The following NFIB variants were observed in gnomAD, a reference collection of about 807,000 sequenced individuals.
NFIB encodes the protein nuclear factor I B.
A neutral mutation model predicts 61.5 loss-of-function variants in NFIB; 11 were observed. The observed-to-expected ratio is 0.18, with a 90% CI of 0.11 to 0.30. The LOEUF (loss-of-function observed/expected upper bound fraction) is 0.30. NFIB is among the 10% of genes least tolerant of loss of function. NFIB has a pLI of 1.00. For missense variants in NFIB, 471 were observed against 608.9 expected, an observed-to-expected ratio of 0.77 and a Z score of 2.38; for synonymous variants, 260 against 216.5, an observed-to-expected ratio of 1.20 and a Z score of -1.76.
rs763572336 is a variant in NFIB at position 14,179,704 on chromosome 9, A to G, written c.616+23T>C. The G allele has an allele frequency of 5.6e-6, 9 of 1,612,916 alleles. No individual in the cohort carries two copies. In the South Asian group the frequency reaches 9.9e-5, roughly 18 times the overall value. On this transcript the variant is annotated intron_variant, in intron 3 of 10. Transcript: ENST00000380953. ...TGTTCTCCAACAATGTCAGATTGCA[A>G]ATGTCCTGGAACACATATTTACCTG...
chr9:14,179,634 G>A, intron 3 of NFIB, 93 bp downstream of exon 3: 2 of 1,367,770 alleles, frequency 1.5e-6, no homozygotes, highest in South Asian at 1.3e-5. Context: ...GAACAAAATA[G>A]GCAGCTGACC....
chr9:14,522,887 T>C, the NFIB span, among the ~76,000 whole-genome samples: 3 of 152,320 alleles, frequency 2.0e-5, no homozygotes, highest in East Asian at 1.9e-4. Flanking sequence ...AACCAGAGGC[T>C]CTGCTCTAGA....
At chr9:14,155,250 T>C (rs775002093) in intron 4 of NFIB, among the ~76,000 whole-genome samples, 95 of 152,250 alleles carry the variant, frequency 6.2e-4, no homozygotes, top group Non-Finnish European at 1.1e-3. Context: ...GAGCTTAGCC[T>C]AGAAAAATCT....
chr9:14,223,698 G>T (rs1391101990), intron 2 of NFIB, among the ~76,000 whole-genome samples: 1 of 152,192 alleles, frequency 6.6e-6, no homozygotes, highest in Non-Finnish European at 1.5e-5. Context: ...TGACTGGTTA[G>T]AGGCCAATCT....
chr9:14,275,737 GTGGCAATTTTCAAA>G (rs2057954461), intron 2 of NFIB, among the ~76,000 whole-genome samples: 1 of 152,106 alleles, frequency 6.6e-6, no homozygotes, highest in Non-Finnish European at 1.5e-5. Flanking sequence ...CTACATTCCT[GTGGCAATTTTCAAA>G]TGGCACTAAA....
At chr9:14,124,859 C>G (rs1022906103) in intron 7 of NFIB, among the ~76,000 whole-genome samples, 5 of 151,928 alleles carry the variant, frequency 3.3e-5, no homozygotes, top group African/African-American at 1.2e-4. Context: ...AAACAAGTGT[C>G]AAAAAAAGTA....
the NFIB span, among the ~76,000 whole-genome samples, chr9:14,457,594 G>C: frequency 2.7e-5 from 4 of 147,924 alleles, no homozygotes; most frequent in African/African-American, 9.9e-5. Context: ...TTTTTGAAAA[G>C]ATCAACAAAA....
At chr9:14,234,332 G>T (rs753603916) in intron 2 of NFIB, among the ~76,000 whole-genome samples, 54 of 151,224 alleles carry the variant, frequency 3.6e-4, no homozygotes, top group Non-Finnish European at 5.7e-4. Context: ...AAGAAGGAAT[G>T]AGATTGATAA....
At position 14,287,570 on chromosome 9, in the gene NFIB, G is replaced by A. The variant is rs531535500; in HGVS notation, c.562+19419C>T. 1.1e-4 allele frequency among the ~76,000 whole-genome samples: 17 copies of A among 151,762 alleles called. 1 individual carries two copies. The Middle Eastern group carries it at 0.024, about 213-fold the overall frequency. ...CCCGAGTAGCTGGGATTACAGGTGCGCACCACCAGGCCCGGCTAATTTTTT... is the reference window on the plus strand; with the variant it reads ...CCCGAGTAGCTGGGATTACAGGTGCACACCACCAGGCCCGGCTAATTTTTT... On this transcript the variant is annotated intron_variant, in intron 2 of 10. Coordinates refer to ENST00000380953, the MANE Select transcript of NFIB (RefSeq NM_001190737.2).
chr9:14,256,310 T>C (rs1396604171), intron 2 of NFIB, among the ~76,000 whole-genome samples: 1 of 152,204 alleles, frequency 6.6e-6, no homozygotes, highest in Non-Finnish European at 1.5e-5. Context: ...ACAGGGAAAC[T>C]ATGTTCTAAG....
chr9:14,250,914 G>C (rs909445343), intron 2 of NFIB, among the ~76,000 whole-genome samples: 2 of 152,132 alleles, frequency 1.3e-5, no homozygotes, highest in Non-Finnish European at 2.9e-5. Context: ...AATACTCTGA[G>C]TTAATAAAAG....
At chr9:14,158,513 A>G (rs2043735079) in intron 3 of NFIB, among the ~76,000 whole-genome samples, 1 of 152,202 alleles carries the variant, frequency 6.6e-6, no homozygotes, top group African/African-American at 2.4e-5. Context: ...TCCTTTATTT[A>G]CAGAAGTGAC....
intron 2 of NFIB, among the ~76,000 whole-genome samples, chr9:14,217,399 G>C (rs990979477): frequency 6.6e-6 from 1 of 152,096 alleles, no homozygotes; most frequent in Non-Finnish European, 1.5e-5. Flanking sequence ...GGTGGCTCAC[G>C]TCTGTAATCC....
intron 2 of NFIB, among the ~76,000 whole-genome samples, chr9:14,215,316 T>C (rs1310015260): frequency 2.0e-5 from 3 of 150,606 alleles, no homozygotes; most frequent in Non-Finnish European, 4.4e-5. Flanking sequence ...CTGGTATACA[T>C]TTAATGGTAT....
At chr9:14,421,919 C>T in the NFIB span, among the ~76,000 whole-genome samples, 1 of 152,102 alleles carries the variant, frequency 6.6e-6, no homozygotes, top group Non-Finnish European at 1.5e-5. Context: ...ATTAGAATTG[C>T]TACTTTTTTT....
At chr9:14,206,766 A>C (rs1218609890) in intron 2 of NFIB, among the ~76,000 whole-genome samples, 1 of 151,032 alleles carries the variant, frequency 6.6e-6, no homozygotes, top group African/African-American at 2.4e-5. Flanking sequence ...AGTTTCAGTC[A>C]TGTTTGGTAT....
intron 10 of NFIB, among the ~76,000 whole-genome samples, chr9:14,107,756 A>C (rs1439486217): frequency 6.6e-6 from 1 of 152,084 alleles, no homozygotes; most frequent in Non-Finnish European, 1.5e-5. Context: ...CCTGTCCCTT[A>C]TGTGCAGTTC....
chr9:14,129,168 T>C (rs1169042215), intron 6 of NFIB, among the ~76,000 whole-genome samples: 2 of 152,116 alleles, frequency 1.3e-5, no homozygotes, highest in East Asian at 1.9e-4. Flanking sequence ...AAGTAACTTA[T>C]AATAGTAAAC....
rs1377262620 is a variant in NFIB at position 14,112,980 on chromosome 9, C to G, written c.1467+19G>C. Reference sequence around the variant, plus strand: ...CGAAAGCGTGGCTACACCGTCACACCTGGGTGAAACTTGCCCACCTGTTGC... The same window carrying G: ...CGAAAGCGTGGCTACACCGTCACACGTGGGTGAAACTTGCCCACCTGTTGC... On this transcript the variant is annotated intron_variant, in intron 10 of 10. Transcript: ENST00000380953. 7 of 1,548,894 alleles carry G rather than the reference C, an allele frequency of 4.5e-6. No individual in the cohort carries two copies. Among genetic ancestry groups the G allele is most frequent in the East Asian group, 2.4e-5 (1 of 40,882 alleles).
Sources: gnomAD v4.1 joint callset for allele counts (sites outside exome capture counted in the v4.1 genomes callset) on GRCh38, gnomAD v4.1.1 for gene constraint, MANE v1.5 for transcripts, NCBI Gene and HGNC (gene_info 2026-07-23, HGNC 2026-07-21) for gene names.